THRB: variants seen among roughly 807,000 people sequenced by gnomAD.
The protein encoded by THRB is nuclear receptor subfamily 1 group A member 2.
In THRB, 12 loss-of-function variants were observed where a neutral mutation model predicts 47.8. The ratio of observed to expected loss-of-function variants is 0.25; its 90% CI spans 0.16 to 0.41. The LOEUF (loss-of-function observed/expected upper bound fraction) is 0.41. Ranked by LOEUF, THRB falls within the 10% of genes least tolerant of loss-of-function variation. The probability of loss-of-function intolerance (pLI) is 1.00; values close to 1 mark genes in which losing one functional copy is unlikely to be tolerated. For synonymous variants in THRB, 218 were observed against 212.2 expected (o/e 1.03, Z -0.24); for missense variants, 348 against 589.2 (o/e 0.59, Z 4.24).
intron 5 of THRB, among the ~76,000 whole-genome samples, chr3:24,159,667 G>A (rs1247236520): frequency 2.0e-5 from 3 of 152,066 alleles, no homozygotes; most frequent in Admixed American, 2.0e-4. Flanking sequence ...GAGTGGGGAT[G>A]ATTTTGCCTC....
chr3:24,449,784 A>T (rs2072463515), intron 1 of THRB, among the ~76,000 whole-genome samples: 1 of 152,194 alleles, frequency 6.6e-6, no homozygotes, highest in African/African-American at 2.4e-5. Context: ...TAGTTTTAGT[A>T]ATAACTTGTA....
chr3:24,124,575 C>T (rs904466017), intron 10 of THRB, among the ~76,000 whole-genome samples: 2 of 152,170 alleles, frequency 1.3e-5, no homozygotes, highest in African/African-American at 2.4e-5. Flanking sequence ...TTGAATCACA[C>T]TGAACAGGTT....
At chr3:24,438,860 TA>T (rs919497010) in intron 1 of THRB, among the ~76,000 whole-genome samples, 6 of 152,036 alleles carry the variant, frequency 3.9e-5, no homozygotes, top group Admixed American at 1.3e-4. Flanking sequence ...GAAGTCCCCC[TA>T]AACAAGGAAA....
At chr3:24,428,778 T>C (rs2070048590) in intron 1 of THRB, among the ~76,000 whole-genome samples, 1 of 151,986 alleles carries the variant, frequency 6.6e-6, no homozygotes, top group Non-Finnish European at 1.5e-5. Context: ...TCTCTCCTTG[T>C]TTCTTTTGTA....
intron 1 of THRB, among the ~76,000 whole-genome samples, chr3:24,478,075 A>C (rs1455424523): frequency 6.6e-6 from 1 of 152,068 alleles, no homozygotes; most frequent in African/African-American, 2.4e-5. Flanking sequence ...AATGTGAAGA[A>C]GTAAATCCTA....
intron 5 of THRB, among the ~76,000 whole-genome samples, chr3:24,161,012 G>A (rs550707330): frequency 4.3e-4 from 65 of 152,336 alleles, no homozygotes; most frequent in African/African-American, 1.4e-3. Flanking sequence ...TGTCTTTGAC[G>A]AGACAGTTAA....
intron 1 of THRB, among the ~76,000 whole-genome samples, chr3:24,405,190 G>A (rs2067721478): frequency 6.6e-6 from 1 of 151,920 alleles, no homozygotes; most frequent in African/African-American, 2.4e-5. Flanking sequence ...CTCATGTTGA[G>A]CATGCTTGCT....
intron 1 of THRB, among the ~76,000 whole-genome samples, chr3:24,379,542 C>T (rs1223550629): frequency 6.6e-6 from 1 of 152,036 alleles, no homozygotes; most frequent in Admixed American, 6.6e-5. Context: ...AGCCACTTTC[C>T]CCCTTTTAGG....
At chr3:24,134,103 T>G (rs1406477482) in intron 8 of THRB, among the ~76,000 whole-genome samples, 4 of 152,184 alleles carry the variant, frequency 2.6e-5, no homozygotes, top group Non-Finnish European at 5.9e-5. Flanking sequence ...CTAGGGCAGT[T>G]CTCTGCTGTT....
At chr3:24,126,337 C>T (rs1033594493) in intron 10 of THRB, among the ~76,000 whole-genome samples, 5 of 152,042 alleles carry the variant, frequency 3.3e-5, no homozygotes, top group African/African-American at 1.2e-4. Flanking sequence ...GCTGTCTTTA[C>T]ACCACTGCAC....
chr3:24,461,818 T>C (rs2073726797), intron 1 of THRB, among the ~76,000 whole-genome samples: 1 of 152,212 alleles, frequency 6.6e-6, no homozygotes, highest in African/African-American at 2.4e-5. Context: ...GACAACATCT[T>C]AGCGTTAAAA....
rs534637274 is a variant in THRB, at chr3:24,147,331, G to A, written c.385-509C>T. On this transcript the variant is annotated intron_variant, in intron 6 of 10. Coordinates refer to ENST00000646209, the MANE Select transcript of THRB (RefSeq NM_001354712.2). ...AGTAATTAAACAGATGTACTAGCTGGCTTCCTGGATTTAGTTTAATACTTG... is the reference window on the plus strand; with the variant it reads ...AGTAATTAAACAGATGTACTAGCTGACTTCCTGGATTTAGTTTAATACTTG... Among the ~76,000 whole-genome samples the A allele has an allele frequency of 1.8e-4, 28 of 152,240 alleles. No homozygotes were observed. The South Asian group carries it at 5.8e-3, about 32-fold the overall frequency.
intron 1 of THRB, among the ~76,000 whole-genome samples, chr3:24,339,910 T>C (rs1319449110): frequency 6.6e-6 from 1 of 152,228 alleles, no homozygotes; most frequent in African/African-American, 2.4e-5. Context: ...CATTTTTAAT[T>C]GGAGCACAAA....
At chr3:24,194,821 C>T (rs558211237) in intron 4 of THRB, among the ~76,000 whole-genome samples, 1 of 152,172 alleles carries the variant, frequency 6.6e-6, no homozygotes, top group African/African-American at 2.4e-5. Flanking sequence ...GACACAAGAG[C>T]GAGCTGATAC....
chr3:24,451,015 T>A (rs978862638), intron 1 of THRB, among the ~76,000 whole-genome samples: 2 of 152,142 alleles, frequency 1.3e-5, no homozygotes, highest in African/African-American at 2.4e-5. Flanking sequence ...CTTTTAAAAA[T>A]TTGGTTTCCC....
At chr3:24,146,001 G>A (rs1004726966) in intron 7 of THRB, among the ~76,000 whole-genome samples, 9 of 151,976 alleles carry the variant, frequency 5.9e-5, no homozygotes, top group African/African-American at 1.9e-4. Flanking sequence ...TAAATCCCTC[G>A]CACAGTGTGG....
intron 1 of THRB, among the ~76,000 whole-genome samples, chr3:24,383,067 T>A (rs2065831122): frequency 6.6e-6 from 1 of 152,200 alleles, no homozygotes; most frequent in Non-Finnish European, 1.5e-5. Context: ...GAAACTCACG[T>A]ACTCTTTTAT....
chr3:24,270,978 CTT>C, intron 3 of THRB, among the ~76,000 whole-genome samples: 1 of 152,146 alleles, frequency 6.6e-6, no homozygotes, highest in Non-Finnish European at 1.5e-5. Flanking sequence ...TCCAAAATAC[CTT>C]CTCCCTTGGA....
At chr3:24,235,898 GAA>G (rs2048811954) in intron 3 of THRB, among the ~76,000 whole-genome samples, 1 of 152,168 alleles carries the variant, frequency 6.6e-6, no homozygotes, top group Non-Finnish European at 1.5e-5. Context: ...CTATTTTTAT[GAA>G]GTTTATTTGG....
Sources: allele counts gnomAD v4.1 joint callset (sites outside exome capture counted in the v4.1 genomes callset), GRCh38; gene constraint gnomAD v4.1.1; transcripts MANE v1.5; gene names NCBI Gene and HGNC (gene_info 2026-07-23, HGNC 2026-07-21).